Variants in HEBP1 observed in about 807,000 individuals in gnomAD.
The protein encoded by HEBP1 is heme-binding protein 1.
Under a neutral mutation model 20.4 loss-of-function variants are expected in HEBP1, and 13 were observed. The observed-to-expected ratio is 0.64, with a 90% CI of 0.42 to 1.01. HEBP1 has a LOEUF of 1.01. Ranked by LOEUF, HEBP1 falls within the 50% of genes least tolerant of loss-of-function variation. HEBP1 has a pLI of 0.00. For synonymous variants in HEBP1, 92 were observed against 90.7 expected (o/e 1.01, Z -0.08); for missense variants, 241 against 247.3 (o/e 0.97, Z 0.17).
chr12:12,975,361 G>A lies in HEBP1; in HGVS notation c.517C>T (p.Pro173Ser). The A allele has an allele frequency of 1.2e-6, 2 of 1,614,028 alleles. No homozygotes were observed. The highest frequency in any genetic ancestry group is 2.2e-5 in the East Asian group (1 of 44,862). The stretch of plus-strand genomic sequence containing the variant: ...CGCCGTCCGTAGGGCTTCATGGGAG[G>A]GTCATAACCCGTGCAGAAGTAGATG... ...GDIYFCTGYD[P>S]PMKPYGRRNE... is the part of the protein sequence containing the mutation. Residue 173 changes from proline to serine, a missense_variant, in exon 4 of 4, where the codon CCT (proline) becomes TCT (serine). Pro to Ser is a moderately conservative substitution (Grantham distance 74, BLOSUM62 -1). Transcript: ENST00000014930.
chr12:12,975,388 C>T lies in HEBP1; in HGVS notation c.490G>A (p.Asp164Asn), dbSNP rs375870689. 1.4e-4 allele frequency: 233 copies of T among 1,613,268 alleles called. No homozygotes were observed. Among genetic ancestry groups the T allele is most frequent in the Non-Finnish European group, 1.9e-4 (220 of 1,179,636 alleles). Residue 164 changes from aspartate to asparagine, a missense_variant, in exon 4 of 4, where the codon GAC becomes AAC. Transcript: ENST00000014930. The stretch of plus-strand genomic sequence containing the variant: ...TCATAACCCGTGCAGAAGTAGATGT[C>T]CCCCCGGTAGGTGGCTGTGCCCTCC... ...ALEGTATYRG[D>N]IYFCTGYDPP... is the part of the protein sequence containing the mutation.
At chr12:12,981,216 C>A (rs1335527518) in intron 3 of HEBP1, among the ~76,000 whole-genome samples, 1 of 152,142 alleles carries the variant, frequency 6.6e-6, no homozygotes, top group African/African-American at 2.4e-5. Flanking sequence ...AGGGGACCAT[C>A]ACTAAGACAG....
At chr12:12,988,913 G>C (rs850920) in intron 2 of HEBP1, among the ~76,000 whole-genome samples, 125,476 of 152,138 alleles carry the variant, frequency 0.82, 52,420 homozygotes, top group East Asian at 0.98. Flanking sequence ...CTGGCCTTGC[G>C]TTGTGCTGTA....
intron 1 of HEBP1, among the ~76,000 whole-genome samples, chr12:12,993,716 T>A (rs1388154495): frequency 6.6e-6 from 1 of 152,224 alleles, no homozygotes; most frequent in Non-Finnish European, 1.5e-5. Context: ...ACTGGCTCTT[T>A]CCTTTGGTCT....
rs73287248 is a variant in HEBP1 at position 12,975,386 on chromosome 12, G to T, written c.492C>A (p.Asp164Glu). The T allele has an allele frequency of 8.1e-6, 13 of 1,613,912 alleles. No individual in the cohort carries two copies. The African/African-American group carries it at 1.7e-4, about 22-fold the overall frequency. The change falls in exon 4 of 4, where the codon GAC becomes GAA. Residue 164 changes from aspartate (D) to glutamate (E), a missense_variant. Physicochemically the swap from Asp to Glu is conservative, Grantham distance 45. Transcript: ENST00000014930. ...ALEGTATYRG[D>E]IYFCTGYDPP... ...GGTCATAACCCGTGCAGAAGTAGAT[G>T]TCCCCCCGGTAGGTGGCTGTGCCCT...
intron 3 of HEBP1, chr12:12,985,710 A>G (rs1864143640): frequency 6.6e-6 from 1 of 152,176 alleles, no homozygotes; most frequent in African/African-American, 2.4e-5. Flanking sequence ...GTAAATACTG[A>G]AAGATATTTA....
rs1345075678 is a variant in HEBP1, at chr12:12,975,182, G to C, written c.*126C>G. The C allele has an allele frequency of 1.2e-6, 1 of 845,388 alleles. No homozygotes were observed. The highest frequency in any genetic ancestry group is 1.7e-5 in the African/African-American group (1 of 58,206). 52.4% of individuals were successfully genotyped at this position (845,388 alleles called of 1,614,324 possible). ...TTTTTTCAGAAAATTGGCAGTAACT[G>C]ACTTTGAAGGAAAGTTGGTTAAGTT... On this transcript the variant is annotated 3_prime_UTR_variant, in exon 4 of 4. Transcript: ENST00000014930.
intron 3 of HEBP1, 56 bp from the exon 4 acceptor site, chr12:12,975,535 G>C: frequency 6.8e-7 from 1 of 1,478,026 alleles, no homozygotes; most frequent in African/African-American, 1.4e-5. Flanking sequence ...TGAGAGAGGG[G>C]GGATCTTTAG....
At chr12:12,993,239 A>G (rs575551385) in intron 1 of HEBP1, among the ~76,000 whole-genome samples, 15 of 144,982 alleles carry the variant, frequency 1.0e-4, no homozygotes, top group South Asian at 2.2e-4. Context: ...CAGTGGTACA[A>G]TCTTGGCTCA....
chr12:13,000,241 GGCGGC>G lies in HEBP1; in HGVS notation c.-132_-128del. ...GGGCGGCAGGGCGGCAGGGTGGCAG[GGCGGC>G]AAGGCGGCGGGACGGCGAGGCGGCG... On this transcript the variant is annotated 5_prime_UTR_variant, in exon 1 of 4. Coordinates refer to ENST00000014930, the MANE Select transcript of HEBP1 (RefSeq NM_015987.5). The G allele has an allele frequency of 2.7e-6, 1 of 369,448 alleles. No homozygotes were observed. The allele number at this position is 369,448 out of a possible 1,614,324, so 22.9% of individuals were successfully genotyped here.
At chr12:12,987,656 T>A (rs1864171553) in intron 2 of HEBP1, among the ~76,000 whole-genome samples, 1 of 144,616 alleles carries the variant, frequency 6.9e-6, no homozygotes. Flanking sequence ...CTTCCGACAG[T>A]CTTGCTCTGT....
intron 1 of HEBP1, among the ~76,000 whole-genome samples, chr12:12,989,956 T>C (rs902679663): frequency 6.6e-6 from 1 of 152,170 alleles, no homozygotes; most frequent in African/African-American, 2.4e-5. Flanking sequence ...AGGACCTCTA[T>C]GGATACCAAA....
chr12:12,975,276 A>G lies in HEBP1; in HGVS notation c.*32T>C. On this transcript the variant is annotated 3_prime_UTR_variant, in exon 4 of 4. Transcript: ENST00000014930. ...CCCGAGGAAGGAGACACAGAGGCAC[A>G]CTTCCAGTAAGTTCTTGGTTCAGTG... 2 of 1,606,022 alleles carry G rather than the reference A, an allele frequency of 1.2e-6. No homozygotes were observed. Among genetic ancestry groups the G allele is most frequent in the Non-Finnish European group, 1.7e-6 (2 of 1,174,618 alleles).
chr12:12,985,481 A>C (rs1395636257), intron 3 of HEBP1, among the ~76,000 whole-genome samples: 1 of 152,086 alleles, frequency 6.6e-6, no homozygotes. Context: ...CATACTAAAA[A>C]GTTAAAGACA....
chr12:12,997,410 G>A (rs1864304495), intron 1 of HEBP1, among the ~76,000 whole-genome samples: 3 of 152,192 alleles, frequency 2.0e-5, no homozygotes, highest in South Asian at 4.1e-4. Flanking sequence ...AGCACCCTAG[G>A]AGACACAGAG....
intron 3 of HEBP1, among the ~76,000 whole-genome samples, chr12:12,982,437 G>A (rs1864099006): frequency 6.6e-6 from 1 of 152,092 alleles, no homozygotes; most frequent in East Asian, 1.9e-4. Flanking sequence ...TAGGAACATG[G>A]GCAAACACTG....
rs151286292 is a variant in HEBP1 at position 12,998,315 on chromosome 12, C to T, written c.78+1722G>A. Among the ~76,000 whole-genome samples, 6 of 152,168 alleles carry T rather than the reference C, an allele frequency of 3.9e-5. No homozygotes were observed. The highest frequency in any genetic ancestry group is 1.4e-4 in the African/African-American group (6 of 41,542). On this transcript the variant is annotated intron_variant, in intron 1 of 3. Coordinates refer to ENST00000014930, the MANE Select transcript of HEBP1 (RefSeq NM_015987.5). The surrounding 1 kb of genome is among the most constrained non-coding windows in gnomAD (Gnocchi z 4.2). ...ATAGCACTCAAAAAACAGTTTTTGTCGAATTATTTTTAAATTGGGTGATTT... is the reference window on the plus strand; with the variant it reads ...ATAGCACTCAAAAAACAGTTTTTGTTGAATTATTTTTAAATTGGGTGATTT...
chr12:12,987,602 CTCTCTCTCTT>C (rs1293277517), intron 2 of HEBP1, among the ~76,000 whole-genome samples: 6 of 135,646 alleles, frequency 4.4e-5, no homozygotes, highest in African/African-American at 1.6e-4. Flanking sequence ...CTCTCTCTCT[CTCTCTCTCTT>C]TCTCTCTCTC....
chr12:12,977,748 TTTTC>T (rs932934371), intron 3 of HEBP1, among the ~76,000 whole-genome samples: 10 of 152,174 alleles, frequency 6.6e-5, no homozygotes, highest in African/African-American at 1.7e-4. Context: ...ATGTTTTACT[TTTTC>T]TTTCTTTCTT....
Sources: allele counts gnomAD v4.1 joint callset (sites outside exome capture counted in the v4.1 genomes callset), GRCh38; gene constraint gnomAD v4.1.1; non-coding constraint Gnocchi (gnomAD v3.1); transcripts MANE v1.5; gene names NCBI Gene and HGNC (gene_info 2026-07-23, HGNC 2026-07-21).